CAB39: variants seen among roughly 807,000 people sequenced by gnomAD.
CAB39 encodes the protein calcium-binding protein 39.
CAB39 carries 8 observed loss-of-function variants against 40.0 expected under a neutral mutation model. That is an observed-to-expected ratio of 0.20 (90% confidence interval 0.12 to 0.36). CAB39 has a LOEUF of 0.36. CAB39 is among the 10% of genes least tolerant of loss of function. The probability of loss-of-function intolerance (pLI) is 1.00; values close to 1 mark genes in which losing one functional copy is unlikely to be tolerated. For synonymous variants in CAB39, 156 were observed against 141.6 expected (o/e 1.10, Z -0.72); for missense variants, 270 against 401.1 (o/e 0.67, Z 2.79).
chr2:230,774,643 G>T (rs1695553475), intron 2 of CAB39, among the ~76,000 whole-genome samples: 1 of 152,108 alleles, frequency 6.6e-6, no homozygotes, highest in South Asian at 2.1e-4. Context: ...GTGTTCACAG[G>T]GTTGAATAGC....
chr2:230,752,119 C>CT (rs1453991019), intron 1 of CAB39: 1 of 134,146 alleles, frequency 7.5e-6, no homozygotes, highest in Admixed American at 8.8e-5. Context: ...AAAGCAATGC[C>CT]TTTTTTAAAG....
chr2:230,807,023 G>T (rs1696207938), intron 5 of CAB39, among the ~76,000 whole-genome samples: 2 of 152,068 alleles, frequency 1.3e-5, no homozygotes, highest in South Asian at 4.1e-4. Context: ...ATGATCCCTA[G>T]TCTTTCTTCC....
chr2:230,777,684 C>T (rs1211351730), intron 2 of CAB39, among the ~76,000 whole-genome samples: 1 of 152,136 alleles, frequency 6.6e-6, no homozygotes, highest in African/African-American at 2.4e-5. Flanking sequence ...GCTGGGATTA[C>T]AGGTGTGAGC....
At chr2:230,735,262 G>A (rs1478994191) in intron 1 of CAB39, among the ~76,000 whole-genome samples, 1 of 151,680 alleles carries the variant, frequency 6.6e-6, no homozygotes, top group Non-Finnish European at 1.5e-5. Flanking sequence ...TGCCTCCCGG[G>A]TTCAAGCAAT....
intron 1 of CAB39, among the ~76,000 whole-genome samples, chr2:230,747,924 A>T (rs1047109239): frequency 2.0e-5 from 3 of 152,162 alleles, no homozygotes; most frequent in Non-Finnish European, 4.4e-5. Context: ...ACTGATCAGG[A>T]TATTTTTTAC....
intron 1 of CAB39, among the ~76,000 whole-genome samples, chr2:230,734,422 G>T (rs546971659): frequency 6.6e-5 from 10 of 152,102 alleles, no homozygotes; most frequent in Non-Finnish European, 1.5e-4. Context: ...CTAACCTCTC[G>T]GTTAGGTTGT....
chr2:230,725,802 T>G lies in CAB39; in HGVS notation c.-44+12572T>G, dbSNP rs577919971. ...TTTCTCTTTACTGAGTTGCTGTCAG[T>G]GATCTTTGAGGAGCTGTGATGAAAT... On this transcript the variant is annotated intron_variant, in intron 1 of 8. Transcript: ENST00000258418. 1.5e-3 allele frequency among the ~76,000 whole-genome samples: 233 copies of G among 152,310 alleles called. 1 individual carries two copies. Among genetic ancestry groups the G allele is most frequent in the Non-Finnish European group, 3.0e-3 (206 of 68,024 alleles).
intron 1 of CAB39, among the ~76,000 whole-genome samples, chr2:230,754,305 T>TTTCTTCTTTCTTCC (rs1695142120): frequency 1.4e-5 from 2 of 142,456 alleles, no homozygotes. Context: ...TTCTTTCTTC[T>TTTCTTCTTTCTTCC]TTCTTCCTTC....
Position 230,797,443 on chromosome 2 carries a change from T to C in CAB39, c.399-1286T>C, listed in dbSNP as rs528795880. On this transcript the variant is annotated intron_variant, in intron 4 of 8. Transcript: ENST00000258418. Reference sequence around the variant, plus strand: ...TAATGAACAGCACAGATACAGAACATGGAAATTTCTGTTAGACCTGGTTTA... The same window carrying C: ...TAATGAACAGCACAGATACAGAACACGGAAATTTCTGTTAGACCTGGTTTA... Among the ~76,000 whole-genome samples the C allele has an allele frequency of 5.7e-4, 86 of 151,344 alleles. 1 individual carries two copies. The highest frequency in any genetic ancestry group is 1.9e-3 in the African/African-American group (78 of 41,178).
chr2:230,745,373 T>G (rs1312642584), intron 1 of CAB39, among the ~76,000 whole-genome samples: 1 of 152,196 alleles, frequency 6.6e-6, no homozygotes. Flanking sequence ...AATGTAGACA[T>G]GTGCCTAAAG....
At chr2:230,764,048 G>A (rs1022778238) in intron 2 of CAB39, among the ~76,000 whole-genome samples, 1 of 152,090 alleles carries the variant, frequency 6.6e-6, no homozygotes, top group Non-Finnish European at 1.5e-5. Flanking sequence ...CTTGAACGGA[G>A]GAGGCAGAGG....
At chr2:230,742,332 G>A (rs994385721) in intron 1 of CAB39, among the ~76,000 whole-genome samples, 7 of 151,944 alleles carry the variant, frequency 4.6e-5, no homozygotes, top group Non-Finnish European at 8.8e-5. Flanking sequence ...CCGCCACCAC[G>A]CCCGGCTAAT....
chr2:230,738,895 A>T (rs376718736), intron 1 of CAB39, among the ~76,000 whole-genome samples: 1 of 152,238 alleles, frequency 6.6e-6, no homozygotes. Context: ...ATAGTTATTC[A>T]TTGGAATGAC....
chr2:230,803,088 A>T (rs554116489), intron 5 of CAB39, among the ~76,000 whole-genome samples: 1 of 152,220 alleles, frequency 6.6e-6, no homozygotes, highest in Non-Finnish European at 1.5e-5. Context: ...CTTCGATGCA[A>T]TGCTGGTTCA....
chr2:230,720,851 G>A (rs1455353618), intron 1 of CAB39, among the ~76,000 whole-genome samples: 2 of 152,156 alleles, frequency 1.3e-5, no homozygotes, highest in Non-Finnish European at 2.9e-5. Context: ...TTCTATAGCA[G>A]GGAGACAGAA....
intron 4 of CAB39, among the ~76,000 whole-genome samples, chr2:230,794,194 G>A (rs758338311): frequency 6.6e-5 from 10 of 152,244 alleles, no homozygotes; most frequent in Admixed American, 5.2e-4. Flanking sequence ...ACGTCTCTGC[G>A]GTTTAACACT....
intron 1 of CAB39, among the ~76,000 whole-genome samples, chr2:230,742,274 A>G (rs1694892134): frequency 6.6e-6 from 1 of 152,200 alleles, no homozygotes; most frequent in African/African-American, 2.4e-5. Flanking sequence ...TCCCGGGTTC[A>G]CGCCATTCTC....
At chr2:230,727,400 ATT>A (rs1343384694) in intron 1 of CAB39, among the ~76,000 whole-genome samples, 4 of 62,434 alleles carry the variant, frequency 6.4e-5, no homozygotes, top group Admixed American at 6.1e-4. Flanking sequence ...GTGTGTGTGT[ATT>A]TTTTTTTCTT....
At chr2:230,736,151 T>C (rs1280589316) in intron 1 of CAB39, among the ~76,000 whole-genome samples, 1 of 152,220 alleles carries the variant, frequency 6.6e-6, no homozygotes, top group Non-Finnish European at 1.5e-5. Context: ...TTTTCTCTGT[T>C]TGACTTAATG....
Sources: gnomAD v4.1 joint callset for allele counts (sites outside exome capture counted in the v4.1 genomes callset) on GRCh38, gnomAD v4.1.1 for gene constraint, MANE v1.5 for transcripts, NCBI Gene and HGNC (gene_info 2026-07-23, HGNC 2026-07-21) for gene names.